The following TMEM260 variants were observed in gnomAD, a reference collection of about 807,000 sequenced individuals.
The protein encoded by TMEM260 is transmembrane protein 260.
In TMEM260, 82 loss-of-function variants were observed where a neutral mutation model predicts 88.9. The ratio of observed to expected loss-of-function variants is 0.92; its 90% confidence interval spans 0.77 to 1.11. The LOEUF is 1.11. TMEM260 is among the 50% of genes least tolerant of loss of function. The probability of loss-of-function intolerance (pLI) is 0.00; values close to 1 mark genes in which losing one functional copy is unlikely to be tolerated. For synonymous variants in TMEM260, 314 were observed against 309.3 expected, an observed-to-expected ratio of 1.02 and a Z score of -0.16; for missense variants, 902 against 853.4, an observed-to-expected ratio of 1.06 and a Z score of -0.71.
At chr14:56,595,859 T>A (rs989628540) in intron 3 of TMEM260, among the ~76,000 whole-genome samples, 4 of 152,162 alleles carry the variant, frequency 2.6e-5, no homozygotes, top group Admixed American at 6.5e-5. Flanking sequence ...TAAAAGTTTT[T>A]AAAAATAAAT....
At chr14:56,604,755 G>A (rs553132306) in intron 4 of TMEM260, among the ~76,000 whole-genome samples, 1 of 152,298 alleles carries the variant, frequency 6.6e-6, no homozygotes, top group Admixed American at 6.5e-5. Context: ...ACTGCAATGG[G>A]GTTTTGTAGT....
intron 3 of TMEM260, among the ~76,000 whole-genome samples, chr14:56,601,693 C>A (rs1031705057): frequency 3.9e-5 from 6 of 152,036 alleles, no homozygotes; most frequent in South Asian, 2.1e-4. Context: ...CCAATGATGT[C>A]CTTCTCACCT....
chr14:56,619,023 C>T (rs1887753221), intron 10 of TMEM260, among the ~76,000 whole-genome samples: 1 of 151,980 alleles, frequency 6.6e-6, no homozygotes, highest in African/African-American at 2.4e-5. Context: ...TCTTAAGAAC[C>T]CAAGAGATAC....
At chr14:56,593,792 A>T (rs1397411735) in intron 3 of TMEM260, among the ~76,000 whole-genome samples, 1 of 139,922 alleles carries the variant, frequency 7.1e-6, no homozygotes, top group Non-Finnish European at 1.5e-5. Flanking sequence ...GGTTCACGCC[A>T]TTCTCCTGCC....
At chr14:56,631,916 A>G (rs1888635680) in intron 12 of TMEM260, among the ~76,000 whole-genome samples, 1 of 152,118 alleles carries the variant, frequency 6.6e-6, no homozygotes, top group African/African-American at 2.4e-5. Context: ...CTGTCTGACC[A>G]TCACCTGATG....
chr14:56,607,606 G>T (rs1229801284), intron 5 of TMEM260, among the ~76,000 whole-genome samples: 1 of 151,994 alleles, frequency 6.6e-6, no homozygotes, highest in Non-Finnish European at 1.5e-5. Flanking sequence ...TAAAAAGTCC[G>T]TGTTTGTTTG....
At chr14:56,652,479 CAG>C (rs1390929253), downstream of TMEM260, among the ~76,000 whole-genome samples, 3 of 116,240 alleles carry the variant, frequency 2.6e-5, no homozygotes, top group African/African-American at 6.8e-5. Context: ...GCCTTGGTGA[CAG>C]AGTGTCTCAA....
At chr14:56,658,208 G>C in the TMEM260 span, among the ~76,000 whole-genome samples, 1 of 152,078 alleles carries the variant, frequency 6.6e-6, no homozygotes, top group African/African-American at 2.4e-5. Context: ...CATTGCTTCT[G>C]TAGCATTCTT....
chr14:56,655,156 C>A (rs1890278250), downstream of TMEM260, among the ~76,000 whole-genome samples: 1 of 152,124 alleles, frequency 6.6e-6, no homozygotes, highest in Non-Finnish European at 1.5e-5. Context: ...CTTTGGGAGG[C>A]TGAGGCGGGT....
intron 3 of TMEM260, among the ~76,000 whole-genome samples, chr14:56,592,489 T>C (rs1885927285): frequency 6.6e-6 from 1 of 152,144 alleles, no homozygotes; most frequent in Non-Finnish European, 1.5e-5. Context: ...GAAGGAGGCT[T>C]AGCAGAACTT....
intron 1 of TMEM260, among the ~76,000 whole-genome samples, chr14:56,580,822 TC>T (rs1316606375): frequency 1.3e-5 from 2 of 152,374 alleles, no homozygotes; most frequent in African/African-American, 4.8e-5. Context: ...TAATGCCATA[TC>T]ATGGCCAGTA....
At chr14:56,637,986 G>T (rs187707486) in intron 15 of TMEM260, among the ~76,000 whole-genome samples, 4 of 151,600 alleles carry the variant, frequency 2.6e-5, no homozygotes, top group Non-Finnish European at 5.9e-5. Flanking sequence ...ACCAGAGCAA[G>T]CTGGGAAGTA....
chr14:56,603,902 G>T lies in TMEM260; in HGVS notation c.432G>T (p.Glu144Asp). The change falls in exon 4 of 16, where the codon GAG becomes GAT. Residue 144 changes from glutamate (E) to aspartate (D), a missense_variant. Physicochemically the swap from Glu to Asp is conservative, Grantham distance 45. Transcript: ENST00000261556. ...RLTWQWSIAA[E>D]VFSLNNLFVG... ...CATGGCAGTGGTCCATTGCAGCAGA[G>T]GTTTTTAGCTTAAACAATCTCTTTG... is the stretch of plus-strand genomic sequence containing the variant. 1 of 1,613,608 alleles carries T rather than the reference G, an allele frequency of 6.2e-7. No individual in the cohort carries two copies.
At chr14:56,619,154 C>T (rs1265493990) in intron 10 of TMEM260, among the ~76,000 whole-genome samples, 1 of 152,156 alleles carries the variant, frequency 6.6e-6, no homozygotes, top group Non-Finnish European at 1.5e-5. Flanking sequence ...CCCTTTATGT[C>T]CAGTTTACTC....
Position 56,624,903 on chromosome 14 carries a change from T to G in TMEM260, c.1399-479T>G, listed in dbSNP as rs530661036. ...GGTTGGGGGTGGGGGTGGGGAATGG[T>G]CTCGGGATGAAACTGTTCCACCTGA... On this transcript the variant is annotated intron_variant, in intron 11 of 15. Transcript: ENST00000261556. Among the ~76,000 whole-genome samples the G allele has an allele frequency of 3.9e-5, 6 of 152,164 alleles. No homozygotes were observed. In the South Asian group the frequency reaches 1.2e-3, roughly 32 times the overall value.
At position 56,642,117 on chromosome 14, in the gene TMEM260, A is replaced by G. The variant is rs1309391963; in HGVS notation, c.1870-5126A>G. Among the ~76,000 whole-genome samples the G allele has an allele frequency of 3.9e-5, 6 of 152,198 alleles. No homozygotes were observed. In the South Asian group the frequency reaches 8.3e-4, roughly 21 times the overall value. ...AGATCCATGAGACAGAAAGTTAACA[A>G]AGATATCCAGGAATTGAACTCAGCT... is the stretch of plus-strand genomic sequence containing the variant. On this transcript the variant is annotated intron_variant, in intron 15 of 15. Coordinates refer to ENST00000261556, the MANE Select transcript of TMEM260 (RefSeq NM_017799.4).
chr14:56,603,804 T>G lies in TMEM260; in HGVS notation c.345-11T>G. ...TTGGAAAAGAAGATTTCATGTTATC[T>G]GTGTTTGCAGGCTTTCTGGCTCATC... is the stretch of plus-strand genomic sequence containing the variant. On this transcript the variant is annotated splice_polypyrimidine_tract_variant and intron_variant, in intron 3 of 15. Coordinates refer to ENST00000261556, the MANE Select transcript of TMEM260 (RefSeq NM_017799.4). 1 of 1,613,630 alleles carries G rather than the reference T, an allele frequency of 6.2e-7. No individual in the cohort carries two copies. Among genetic ancestry groups the G allele is most frequent in the South Asian group, 1.1e-5 (1 of 91,056 alleles).
At chr14:56,616,147 C>T (rs1172799458) in intron 8 of TMEM260, 120 bp downstream of exon 8, 11 of 665,632 alleles carry the variant, frequency 1.7e-5, no homozygotes, top group Non-Finnish European at 2.6e-5. Context: ...AATGACTCTC[C>T]TAGCTGTCTA....
intron 3 of TMEM260, among the ~76,000 whole-genome samples, chr14:56,593,598 T>C (rs1449029346): frequency 6.6e-6 from 1 of 151,612 alleles, no homozygotes; most frequent in Admixed American, 6.6e-5. Context: ...CCTCCGTTAT[T>C]ATGAGATCTT....
Sources: gnomAD v4.1 joint callset for allele counts (sites outside exome capture counted in the v4.1 genomes callset) on GRCh38, gnomAD v4.1.1 for gene constraint, MANE v1.5 for transcripts, NCBI Gene and HGNC (gene_info 2026-07-23, HGNC 2026-07-21) for gene names.